The following TRIO variants were observed in gnomAD, a reference collection of about 807,000 sequenced individuals.
TRIO encodes the protein trio Rho guanine nucleotide exchange factor.
TRIO carries 58 observed loss-of-function variants against 351.9 expected under a neutral mutation model. The observed-to-expected ratio is 0.16, with a 90% CI of 0.13 to 0.21. The LOEUF is 0.21. Ranked by LOEUF, TRIO falls within the 10% of genes least tolerant of loss-of-function variation. The pLI, the probability that TRIO is intolerant of heterozygous loss-of-function variation, is 1.00. For missense variants in TRIO, 3,201 were observed against 4,027.8 expected (o/e 0.79, Z 5.56); for synonymous variants, 1,758 against 1,595.7 (o/e 1.10, Z -2.42).
intron 1 of TRIO, among the ~76,000 whole-genome samples, chr5:14,249,186 A>G (rs1315702641): frequency 6.6e-6 from 1 of 152,258 alleles, no homozygotes; most frequent in Non-Finnish European, 1.5e-5. Flanking sequence ...CAAGAGAAAT[A>G]GAAATGGAGT....
chr5:14,266,209 C>G (rs1795666802), intron 1 of TRIO, among the ~76,000 whole-genome samples: 1 of 152,106 alleles, frequency 6.6e-6, no homozygotes, highest in Non-Finnish European at 1.5e-5. Flanking sequence ...CAGGTGTGCA[C>G]CACTGCTCCT....
At chr5:14,203,440 A>G (rs1791261251) in intron 1 of TRIO, among the ~76,000 whole-genome samples, 2 of 152,224 alleles carry the variant, frequency 1.3e-5, no homozygotes, top group South Asian at 4.1e-4. Context: ...TTTAGAATCA[A>G]GTAGGAAGGT....
chr5:14,459,890 C>T (rs27393), intron 34 of TRIO, among the ~76,000 whole-genome samples: 77,599 of 151,842 alleles, frequency 0.51, 22,981 homozygotes, highest in African/African-American at 0.82. Context: ...GGAAGGCTTC[C>T]CCTCCTCACA....
intron 34 of TRIO, among the ~76,000 whole-genome samples, chr5:14,430,431 A>T (rs1751001840): frequency 6.6e-6 from 1 of 152,162 alleles, no homozygotes; most frequent in South Asian, 2.1e-4. Context: ...CACATAACAA[A>T]TAAATGGCAG....
rs202028964 is a variant in TRIO, at chr5:14,316,571, G to C, written c.1559G>C (p.Ser520Thr). ...DKLQRPLTPG[S>T]SDSLTASANY... is the part of the protein sequence containing the mutation. ...CTCCAGCGGCCCTTGACTCCCGGCA[G>C]CTCCGATTCCCTGACAGCCTCTGCC... The change falls in exon 9 of 57, where the codon AGC becomes ACC. Residue 520 changes from serine to threonine, a missense_variant. Physicochemically the swap from Ser to Thr is moderately conservative, Grantham distance 58. Transcript: ENST00000344204. The C allele has an allele frequency of 4.3e-6, 7 of 1,614,096 alleles. No individual in the cohort carries two copies. The highest frequency in any genetic ancestry group is 1.3e-5 in the African/African-American group (1 of 74,938).
chr5:14,212,959 A>G (rs1791996253), intron 1 of TRIO, among the ~76,000 whole-genome samples: 1 of 152,194 alleles, frequency 6.6e-6, no homozygotes, highest in African/African-American at 2.4e-5. Context: ...GTTAAGACTC[A>G]TGGCCGGATC....
chr5:14,497,780 G>A lies in TRIO; in HGVS notation c.8020-67G>A. 6.3e-7 allele frequency: 1 copy of A among 1,592,564 alleles called. No individual in the cohort carries two copies. Among genetic ancestry groups the A allele is most frequent in the Admixed American group, 1.7e-5 (1 of 59,910 alleles). On this transcript the variant is annotated intron_variant, in intron 50 of 56. Transcript: ENST00000344204. The surrounding 1 kb of genome is among the most constrained non-coding windows in gnomAD (Gnocchi z 4.4). ...ATCTTTCAACAATAATTGTAGCCCTGGAATGAAAGGAATACACCTTAAAGT... is the reference window on the plus strand; with the variant it reads ...ATCTTTCAACAATAATTGTAGCCCTAGAATGAAAGGAATACACCTTAAAGT...
At chr5:14,218,071 G>GA (rs1792337872) in intron 1 of TRIO, among the ~76,000 whole-genome samples, 1 of 152,122 alleles carries the variant, frequency 6.6e-6, no homozygotes, top group African/African-American at 2.4e-5. Flanking sequence ...GTGTTGGGGG[G>GA]AGAGTCTCGT....
intron 9 of TRIO, among the ~76,000 whole-genome samples, chr5:14,318,556 T>C (rs1739588658): frequency 1.3e-5 from 2 of 152,150 alleles, no homozygotes; most frequent in Non-Finnish European, 1.5e-5. Flanking sequence ...AGGTTACATA[T>C]ACAGAGTGCT....
chr5:14,228,282 A>G (rs910197131), intron 1 of TRIO, among the ~76,000 whole-genome samples: 12 of 152,252 alleles, frequency 7.9e-5, no homozygotes, highest in African/African-American at 2.9e-4. Flanking sequence ...ACAGAAATCA[A>G]TTCCTGGTAC....
At chr5:14,229,362 T>C (rs1163095859) in intron 1 of TRIO, among the ~76,000 whole-genome samples, 1 of 152,256 alleles carries the variant, frequency 6.6e-6, no homozygotes, top group Non-Finnish European at 1.5e-5. Context: ...CCAGTGAAAC[T>C]TCATTTACAA....
chr5:14,465,824 A>G (rs1007723823), intron 37 of TRIO, 184 bp downstream of exon 37: 28 of 627,964 alleles, frequency 4.5e-5, no homozygotes, highest in Admixed American at 7.9e-5. Flanking sequence ...GAACTCAGGA[A>G]AGCCATTATT....
At chr5:14,495,501 A>G (rs1376018653) in intron 49 of TRIO, among the ~76,000 whole-genome samples, 2 of 151,872 alleles carry the variant, frequency 1.3e-5, no homozygotes, top group Non-Finnish European at 2.9e-5. Context: ...AGTGGTGGCA[A>G]ATTTCTTGTT....
At chr5:14,220,533 G>T (rs986101555) in intron 1 of TRIO, among the ~76,000 whole-genome samples, 17 of 152,210 alleles carry the variant, frequency 1.1e-4, no homozygotes, top group Non-Finnish European at 1.0e-4. Flanking sequence ...GCTGAGACAG[G>T]CCAAAAGCTA....
chr5:14,215,804 T>C (rs371366285), intron 1 of TRIO, among the ~76,000 whole-genome samples: 2 of 152,312 alleles, frequency 1.3e-5, no homozygotes, highest in East Asian at 1.9e-4. Context: ...ATAAAACTAG[T>C]TTTTGTTCTT....
chr5:14,379,730 T>G (rs982377707), intron 20 of TRIO, among the ~76,000 whole-genome samples: 35 of 152,346 alleles, frequency 2.3e-4, no homozygotes, highest in African/African-American at 8.2e-4. Context: ...CATAATTTTG[T>G]TGGCAGAGAA....
intron 1 of TRIO, among the ~76,000 whole-genome samples, chr5:14,263,785 G>A (rs150813824): frequency 2.0e-5 from 3 of 152,202 alleles, no homozygotes; most frequent in Non-Finnish European, 4.4e-5. Flanking sequence ...ATGTAGATAA[G>A]GGTGGGGTAA....
intron 10 of TRIO, among the ~76,000 whole-genome samples, chr5:14,335,654 GTTA>G (rs1011054130): frequency 6.6e-6 from 1 of 152,194 alleles, no homozygotes; most frequent in African/African-American, 2.4e-5. Context: ...AGCCATTATA[GTTA>G]TTATTTCCTT....
rs183959857 is a variant in TRIO, at chr5:14,170,751, C to T, written c.157+26869C>T. On this transcript the variant is annotated intron_variant, in intron 1 of 56. Coordinates refer to ENST00000344204, the MANE Select transcript of TRIO (RefSeq NM_007118.4). ...GAACTCCTGACTTCAGTGATCCTCT[C>T]GCCTTCGCTTCCCAAAGTGCTGGGA... 2.0e-3 allele frequency among the ~76,000 whole-genome samples: 297 copies of T among 152,210 alleles called. 1 individual carries two copies. Among genetic ancestry groups the T allele is most frequent in the African/African-American group, 6.8e-3 (282 of 41,542 alleles).
Sources: gnomAD v4.1 joint callset for allele counts (sites outside exome capture counted in the v4.1 genomes callset) on GRCh38, gnomAD v4.1.1 for gene constraint, Gnocchi (gnomAD v3.1) non-coding constraint, MANE v1.5 for transcripts, NCBI Gene and HGNC (gene_info 2026-07-23, HGNC 2026-07-21) for gene names.